USH2A: variants seen among roughly 807,000 people sequenced by gnomAD.
USH2A encodes usherin.
USH2A carries 443 observed loss-of-function variants against 538.9 expected under a neutral mutation model. The ratio of observed to expected loss-of-function variants is 0.82; its 90% CI spans 0.76 to 0.89. The LOEUF (loss-of-function observed/expected upper bound fraction) is 0.89. USH2A is among the 40% of genes least tolerant of loss of function. The pLI is 0.00. For synonymous variants in USH2A, 2,413 were observed against 2,273.5 expected (o/e 1.06, Z -1.75); for missense variants, 6,633 against 6,324.8 (o/e 1.05, Z -1.65).
Position 215,965,323 on chromosome 1 carries a change from C to T in USH2A, c.7114G>A (p.Asp2372Asn), listed in dbSNP as rs766071413. ...SVLFTGIFYVDPVGNNYTLLN... is the reference protein window; with the variant it reads ...SVLFTGIFYVNPVGNNYTLLN... ...GAAAATAAAAACAAATTACCTGGGTCTACATAGAATATCCCAGTGAAAAGG... is the reference window on the plus strand; with the variant it reads ...GAAAATAAAAACAAATTACCTGGGTTTACATAGAATATCCCAGTGAAAAGG... The change falls in exon 37 of 72, where the codon GAC (aspartate) becomes AAC (asparagine). Residue 2372 changes from aspartate to asparagine, a missense_variant. Coordinates refer to ENST00000307340, the MANE Select transcript of USH2A (RefSeq NM_206933.4). 6.2e-7 allele frequency: 1 copy of T among 1,613,386 alleles called. No individual in the cohort carries two copies. The highest frequency in any genetic ancestry group is 8.5e-7 in the Non-Finnish European group (1 of 1,179,650).
intron 32 of USH2A, among the ~76,000 whole-genome samples, chr1:216,025,597 G>A (rs1668945531): frequency 6.6e-6 from 1 of 152,026 alleles, no homozygotes; most frequent in African/African-American, 2.4e-5. Context: ...TTTATGAAAT[G>A]TTTTTTCAGA....
At chr1:216,120,990 T>C (rs962500910) in intron 21 of USH2A, among the ~76,000 whole-genome samples, 5 of 152,226 alleles carry the variant, frequency 3.3e-5, no homozygotes, top group Non-Finnish European at 7.3e-5. Context: ...TCATATTTGA[T>C]AGTTTTGTTT....
intron 58 of USH2A, among the ~76,000 whole-genome samples, chr1:215,755,524 T>C (rs1295800787): frequency 1.3e-5 from 2 of 152,206 alleles, no homozygotes; most frequent in African/African-American, 4.8e-5. Flanking sequence ...CTGTAGATTA[T>C]ACACAAGTCA....
chr1:216,247,390 A>T (rs1242572306), intron 12 of USH2A, among the ~76,000 whole-genome samples, 164 bp from the exon 13 acceptor site: 1 of 152,176 alleles, frequency 6.6e-6, no homozygotes, highest in East Asian at 1.9e-4. Context: ...ATTCAATGAC[A>T]ATATTTAATT....
At position 215,741,418 on chromosome 1, in the gene USH2A, G is replaced by C; in HGVS notation, c.11668C>G (p.Pro3890Ala). 6.2e-7 allele frequency: 1 copy of C among 1,613,762 alleles called. No individual in the cohort carries two copies. Among genetic ancestry groups the C allele is most frequent in the African/African-American group, 1.3e-5 (1 of 74,932 alleles). ...ATGATGATTCCATTTGGTTTTTCAG[G>C]TGGCATCCACTTAATCTCTATGCAA... Reference protein sequence around the residue: ...SACIEIKWMPPEKPNGIIINY... With the variant: ...SACIEIKWMPAEKPNGIIINY... The change falls in exon 60 of 72, where the codon CCT becomes GCT. Residue 3890 changes from proline to alanine, a missense_variant. Transcript: ENST00000307340.
intron 12 of USH2A, 151 bp downstream of exon 12, chr1:216,250,752 T>C (rs963730582): frequency 2.5e-6 from 2 of 813,742 alleles, no homozygotes; most frequent in Non-Finnish European, 4.1e-6. Flanking sequence ...AATTTAATCA[T>C]TTTAAACAGT....
intron 70 of USH2A, among the ~76,000 whole-genome samples, chr1:215,630,476 GTGTGTGTA>G (rs1656229090): frequency 9.2e-5 from 3 of 32,774 alleles, no homozygotes; most frequent in African/African-American, 2.6e-4. Context: ...ATGTGTATGT[GTGTGTGTA>G]TATATATATA....
At chr1:216,171,910 A>G (rs552451575) in intron 21 of USH2A, among the ~76,000 whole-genome samples, 1 of 152,220 alleles carries the variant, frequency 6.6e-6, no homozygotes, top group East Asian at 1.9e-4. Context: ...CTATGATGTA[A>G]ATGACTGATA....
At chr1:216,142,502 T>C (rs982726098) in intron 21 of USH2A, among the ~76,000 whole-genome samples, 7 of 152,150 alleles carry the variant, frequency 4.6e-5, no homozygotes, top group African/African-American at 1.7e-4. Context: ...AGAGTTGGCT[T>C]TTAGTCCTGC....
intron 13 of USH2A, among the ~76,000 whole-genome samples, chr1:216,238,359 G>A (rs74141528): frequency 2.6e-5 from 4 of 152,038 alleles, no homozygotes; most frequent in African/African-American, 4.8e-5. Context: ...TGCCTTCCTC[G>A]GCCTGGCCTC....
At chr1:216,181,358 T>A (rs1398238328) in intron 20 of USH2A, among the ~76,000 whole-genome samples, 1 of 152,086 alleles carries the variant, frequency 6.6e-6, no homozygotes, top group East Asian at 1.9e-4. Context: ...GTACCAGACA[T>A]CCTGATCCCC....
At chr1:216,145,270 T>C (rs541092459) in intron 21 of USH2A, among the ~76,000 whole-genome samples, 12 of 152,216 alleles carry the variant, frequency 7.9e-5, no homozygotes, top group Admixed American at 1.3e-4. Flanking sequence ...CAGGCTTTCA[T>C]AGCTGTCCTA....
rs1202765527 is a variant in USH2A, at chr1:215,766,786, G to A, written c.10942C>T (p.Leu3648Phe). Residue 3648 changes from leucine to phenylalanine, a missense_variant and splice_region_variant, in exon 56 of 72, where the codon CTC (leucine) becomes TTC (phenylalanine). Transcript: ENST00000307340. Reference protein sequence around the residue: ...TDRRQHTVTGLQPYTNYSFTL... With the variant: ...TDRRQHTVTGFQPYTNYSFTL... ...AAGCTGTAGTTGGTGTATGGCTGGA[G>A]ACCTAGAAAAAGCAAGCAAGAAATA... is the stretch of plus-strand genomic sequence containing the variant. The A allele has an allele frequency of 1.2e-6, 2 of 1,613,262 alleles. No homozygotes were observed. The highest frequency in any genetic ancestry group is 1.3e-5 in the African/African-American group (1 of 74,880).
intron 32 of USH2A, among the ~76,000 whole-genome samples, chr1:216,037,574 G>T (rs2030044349): frequency 6.6e-6 from 1 of 152,056 alleles, no homozygotes; most frequent in African/African-American, 2.4e-5. Flanking sequence ...AATGTTTCAG[G>T]ATATTGATTC....
intron 38 of USH2A, among the ~76,000 whole-genome samples, chr1:215,918,177 A>G (rs1017599856): frequency 2.0e-5 from 3 of 152,078 alleles, no homozygotes; most frequent in Admixed American, 6.6e-5. Flanking sequence ...TAACAACGGG[A>G]TTGGATATAA....
intron 35 of USH2A, among the ~76,000 whole-genome samples, chr1:215,991,902 A>G (rs1277360201): frequency 2.0e-5 from 3 of 152,234 alleles, no homozygotes; most frequent in Non-Finnish European, 2.9e-5. Flanking sequence ...AGTAAGAAGC[A>G]TAACAAGATT....
At chr1:216,377,082 A>C (rs1323549623) in intron 3 of USH2A, among the ~76,000 whole-genome samples, 1 of 152,198 alleles carries the variant, frequency 6.6e-6, no homozygotes, top group African/African-American at 2.4e-5. Flanking sequence ...TACTGAGCAA[A>C]ATTTATTAAA....
At chr1:216,358,964 A>G (rs1359837150) in intron 4 of USH2A, among the ~76,000 whole-genome samples, 1 of 152,138 alleles carries the variant, frequency 6.6e-6, no homozygotes, top group African/African-American at 2.4e-5. Context: ...GCTATCAAAT[A>G]CTTTGAGCAA....
At chr1:216,118,740 T>A (rs983466941) in intron 21 of USH2A, among the ~76,000 whole-genome samples, 36 of 152,322 alleles carry the variant, frequency 2.4e-4, no homozygotes, top group African/African-American at 8.4e-4. Flanking sequence ...ATCTACAAAC[T>A]CTGCTGGGGT....
Sources: gnomAD v4.1 joint callset for allele counts (sites outside exome capture counted in the v4.1 genomes callset) on GRCh38, gnomAD v4.1.1 for gene constraint, MANE v1.5 for transcripts, NCBI Gene and HGNC (gene_info 2026-07-23, HGNC 2026-07-21) for gene names.